Variants in IL1RAPL2 observed in about 807,000 individuals in gnomAD.
IL1RAPL2 encodes the protein X-linked interleukin-1 receptor accessory protein-like 2.
A neutral mutation model predicts 44.1 loss-of-function variants in IL1RAPL2; 3 were observed. That is an observed-to-expected ratio of 0.07 (90% CI 0.03 to 0.18). The LOEUF is 0.18. Ranked by LOEUF, IL1RAPL2 falls within the 10% of genes least tolerant of loss-of-function variation. The pLI is 1.00. For synonymous variants in IL1RAPL2, 181 were observed against 178.8 expected (o/e 1.01, Z -0.10); for missense variants, 391 against 496.4 (o/e 0.79, Z 2.02).
intron 2 of IL1RAPL2, among the ~76,000 whole-genome samples, chrX:105,149,867 A>G (rs1450719062): frequency 9.1e-6 from 1 of 109,706 alleles, no homozygotes; most frequent in African/African-American, 3.4e-5. Flanking sequence ...AATAAATAAT[A>G]CAAATATGTG....
At chrX:104,668,394 T>C (rs1241055619) in intron 2 of IL1RAPL2, among the ~76,000 whole-genome samples, 3 of 107,061 alleles carry the variant, frequency 2.8e-5, no homozygotes, top group Non-Finnish European at 5.8e-5. Context: ...GTTACATATG[T>C]ATACATGTGC....
chrX:104,986,154 C>T (rs2030556008), intron 2 of IL1RAPL2, among the ~76,000 whole-genome samples: 2 of 111,664 alleles, frequency 1.8e-5, no homozygotes, highest in Non-Finnish European at 3.8e-5. Flanking sequence ...GCACTGAGGC[C>T]TCAATTATAT....
At chrX:104,920,130 T>C (rs999819015) in intron 2 of IL1RAPL2, among the ~76,000 whole-genome samples, 1 of 111,365 alleles carries the variant, frequency 9.0e-6, no homozygotes, top group Admixed American at 9.5e-5. Flanking sequence ...ATATTTACTT[T>C]ACTGAGTTAT....
chrX:104,998,386 CA>C (rs1334661666), intron 2 of IL1RAPL2, among the ~76,000 whole-genome samples: 1 of 110,829 alleles, frequency 9.0e-6, no homozygotes, highest in African/African-American at 3.3e-5. Context: ...ACAACTTTTT[CA>C]AGATTTGCCT....
chrX:104,819,781 G>A (rs983130112), intron 2 of IL1RAPL2, among the ~76,000 whole-genome samples: 6 of 111,863 alleles, frequency 5.4e-5, no homozygotes, highest in Non-Finnish European at 7.5e-5. Flanking sequence ...AATGCTTTGT[G>A]ATTTACACTG....
At chrX:104,915,350 T>G (rs1182818015) in intron 2 of IL1RAPL2, among the ~76,000 whole-genome samples, 3 of 110,135 alleles carry the variant, frequency 2.7e-5, no homozygotes, top group Admixed American at 1.9e-4. Context: ...GTTTTTTGGC[T>G]GCATAAATGT....
chrX:105,641,676 C>T (rs1007867844), intron 6 of IL1RAPL2, among the ~76,000 whole-genome samples: 1 of 112,050 alleles, frequency 8.9e-6, no homozygotes, highest in African/African-American at 3.2e-5. Flanking sequence ...AAAGGAAAGA[C>T]TCCAGAAGGA....
intron 5 of IL1RAPL2, among the ~76,000 whole-genome samples, chrX:105,364,955 G>T (rs1183712418): frequency 8.9e-6 from 1 of 111,751 alleles, no homozygotes; most frequent in Non-Finnish European, 1.9e-5. Context: ...TAAAAGGCAA[G>T]AGTGTACATC....
chrX:105,220,314 G>T (rs1396890739), intron 3 of IL1RAPL2: 1 of 1,209,818 alleles, frequency 8.3e-7, no homozygotes, highest in Admixed American at 2.2e-5. Context: ...GGCCTTTCGT[G>T]TGCCTGGCCA....
intron 3 of IL1RAPL2, among the ~76,000 whole-genome samples, chrX:105,199,704 C>T (rs1350292637): frequency 6.3e-5 from 7 of 111,418 alleles, no homozygotes; most frequent in African/African-American, 1.3e-4. Flanking sequence ...ACATCTAGAC[C>T]AATAGAAGAT....
chrX:105,037,053 A>C (rs920680254), intron 2 of IL1RAPL2, among the ~76,000 whole-genome samples: 1 of 112,163 alleles, frequency 8.9e-6, no homozygotes, highest in East Asian at 2.8e-4. Context: ...ATTAACATGC[A>C]CAATTTTGCA....
chrX:105,719,479 A>C (rs2038284374), intron 7 of IL1RAPL2, among the ~76,000 whole-genome samples: 1 of 111,704 alleles, frequency 9.0e-6, no homozygotes, highest in African/African-American at 3.3e-5. Flanking sequence ...TCATCATTTT[A>C]AAATTCACAA....
intron 2 of IL1RAPL2, among the ~76,000 whole-genome samples, chrX:104,845,846 C>G (rs1300747185): frequency 9.0e-5 from 10 of 111,705 alleles, no homozygotes; most frequent in Admixed American, 8.6e-4. Flanking sequence ...TTTTCATTGT[C>G]CCTCCATGCC....
At chrX:104,948,208 GCT>G (rs1925449667) in intron 2 of IL1RAPL2, among the ~76,000 whole-genome samples, 1 of 106,917 alleles carries the variant, frequency 9.4e-6, no homozygotes, top group Non-Finnish European at 1.9e-5. Flanking sequence ...TCATGATTTG[GCT>G]CTCTGTTTGT....
At chrX:104,873,423 A>G (rs990739372) in intron 2 of IL1RAPL2, among the ~76,000 whole-genome samples, 1 of 111,844 alleles carries the variant, frequency 8.9e-6, no homozygotes, top group African/African-American at 3.2e-5. Context: ...CATGTAAGTT[A>G]TATTAGCTTT....
In IL1RAPL2 at chrX:105,388,148, C is replaced by CAAAA. The variant is rs760730401; in HGVS notation, c.698-96128_698-96125dup. On this transcript the variant is annotated intron_variant, in intron 5 of 10. Transcript: ENST00000372582. ...GGGCAACAAGAGCGAAACTCCATCT[C>CAAAA]AAAAAAAAAAAAAAAAAAAAAAAAA... is the stretch of plus-strand genomic sequence containing the variant. Among the ~76,000 whole-genome samples the CAAAA allele has an allele frequency of 2.2e-3, 12 of 5,386 alleles. 2 individuals carry two copies. Among genetic ancestry groups the CAAAA allele is most frequent in the Non-Finnish European group, 5.0e-3 (9 of 1,803 alleles). The allele number at this position is 5,386 out of a possible 115,157, so 4.7% of individuals were successfully genotyped here.
chrX:105,142,739 T>C (rs1295631401), intron 2 of IL1RAPL2, among the ~76,000 whole-genome samples: 3 of 109,803 alleles, frequency 2.7e-5, no homozygotes, highest in Non-Finnish European at 5.7e-5. Flanking sequence ...TAACTCGTCA[T>C]TTAGCATTAG....
intron 5 of IL1RAPL2, among the ~76,000 whole-genome samples, chrX:105,315,999 C>A (rs978216795): frequency 1.8e-5 from 2 of 110,888 alleles, no homozygotes; most frequent in Non-Finnish European, 3.8e-5. Flanking sequence ...ATAGGCCAGG[C>A]GCAGTGGCTC....
chrX:105,422,121 C>G (rs1029869817), intron 5 of IL1RAPL2, among the ~76,000 whole-genome samples: 2 of 111,887 alleles, frequency 1.8e-5, no homozygotes, highest in African/African-American at 6.5e-5. Context: ...GCAAGAATAA[C>G]ATTTTTTACA....
Sources: allele counts gnomAD v4.1 joint callset (sites outside exome capture counted in the v4.1 genomes callset), GRCh38; gene constraint gnomAD v4.1.1; transcripts MANE v1.5; gene names NCBI Gene and HGNC (gene_info 2026-07-23, HGNC 2026-07-21).